The following ADNP variants were observed in gnomAD, a reference collection of about 807,000 sequenced individuals.
ADNP encodes the protein activity dependent neuroprotector homeobox.
In ADNP, 4 loss-of-function variants were observed where a neutral mutation model predicts 84.9. The observed-to-expected ratio is 0.05, with a 90% CI of 0.02 to 0.11. The LOEUF is 0.11. Ranked by LOEUF, ADNP falls within the 10% of genes least tolerant of loss-of-function variation. ADNP has a pLI of 1.00. For missense variants in ADNP, 1,132 were observed against 1,326.0 expected (o/e 0.85, Z 2.27); for synonymous variants, 554 against 468.1 (o/e 1.18, Z -2.37).
intron 2 of ADNP, among the ~76,000 whole-genome samples, chr20:50,906,550 T>TA (rs1982491993): frequency 6.6e-6 from 1 of 152,106 alleles, no homozygotes; most frequent in African/African-American, 2.4e-5. Context: ...AACAAAGACA[T>TA]AAAGATTTGG....
Position 50,889,171 on chromosome 20 carries a change from A to G in ADNP, c.*2234T>C, listed in dbSNP as rs973475692. ...TCTGAATGCCAAAAGGCACACTCTCACCACCTTAATGAGGAAACACACTTA... is the reference window on the plus strand; with the variant it reads ...TCTGAATGCCAAAAGGCACACTCTCGCCACCTTAATGAGGAAACACACTTA... On this transcript the variant is annotated 3_prime_UTR_variant, in exon 6 of 6. Transcript: ENST00000621696. 2 of 152,148 alleles carry G rather than the reference A, an allele frequency of 1.3e-5. No homozygotes were observed. Among genetic ancestry groups the G allele is most frequent in the Admixed American group, 1.3e-4 (2 of 15,278 alleles). 9.4% of individuals were successfully genotyped at this position (152,148 alleles called of 1,614,324 possible).
At chr20:50,910,835 T>C (rs1385894090) in intron 2 of ADNP, among the ~76,000 whole-genome samples, 1 of 151,924 alleles carries the variant, frequency 6.6e-6, no homozygotes, top group Non-Finnish European at 1.5e-5. Context: ...TTTAAAAAAA[T>C]TTAATAGGGG....
intron 5 of ADNP, among the ~76,000 whole-genome samples, chr20:50,897,105 A>G (rs1212264429): frequency 6.6e-6 from 1 of 151,690 alleles, no homozygotes; most frequent in Non-Finnish European, 1.5e-5. Flanking sequence ...CGCCCGGCTA[A>G]TTTTTTTGTA....
chr20:50,900,269 T>C (rs1981840265), intron 5 of ADNP, among the ~76,000 whole-genome samples: 1 of 152,192 alleles, frequency 6.6e-6, no homozygotes, highest in South Asian at 2.1e-4. Flanking sequence ...TATTCTCTTA[T>C]AGTAACATGC....
At chr20:50,906,699 C>T (rs1982504554) in intron 2 of ADNP, among the ~76,000 whole-genome samples, 1 of 152,200 alleles carries the variant, frequency 6.6e-6, no homozygotes, top group Admixed American at 6.5e-5. Context: ...TAAGATGAAG[C>T]ATCTCACTGC....
intron 5 of ADNP, among the ~76,000 whole-genome samples, chr20:50,895,039 G>GA (rs1012771105): frequency 6.6e-6 from 1 of 152,064 alleles, no homozygotes; most frequent in Non-Finnish European, 1.5e-5. Context: ...AATGTTTAGG[G>GA]AAAAAAAGTC....
intron 2 of ADNP, among the ~76,000 whole-genome samples, chr20:50,918,809 GA>G (rs1268745282): frequency 6.6e-6 from 1 of 152,214 alleles, no homozygotes; most frequent in Non-Finnish European, 1.5e-5. Context: ...GAAAGCTTTT[GA>G]AAGGTAACAG....
At chr20:50,915,757 A>T (rs1983461957) in intron 2 of ADNP, among the ~76,000 whole-genome samples, 1 of 152,232 alleles carries the variant, frequency 6.6e-6, no homozygotes, top group Admixed American at 6.5e-5. Flanking sequence ...CCTTAAGTTT[A>T]CTAGAAAATG....
rs953409775 is a variant in ADNP at position 50,889,182 on chromosome 20, G to A, written c.*2223C>T. The A allele has an allele frequency of 1.3e-5, 2 of 152,148 alleles. No individual in the cohort carries two copies. Among genetic ancestry groups the A allele is most frequent in the African/African-American group, 4.8e-5 (2 of 41,444 alleles). 9.4% of individuals were successfully genotyped at this position (152,148 alleles called of 1,614,324 possible). ...AAAGGCACACTCTCACCACCTTAATGAGGAAACACACTTATCTGTGTCTGT... is the reference window on the plus strand; with the variant it reads ...AAAGGCACACTCTCACCACCTTAATAAGGAAACACACTTATCTGTGTCTGT... On this transcript the variant is annotated 3_prime_UTR_variant, in exon 6 of 6. Transcript: ENST00000621696.
At chr20:50,905,115 T>C (rs1055742822) in intron 2 of ADNP, 4 of 152,214 alleles carry the variant, frequency 2.6e-5, no homozygotes, top group Non-Finnish European at 5.9e-5. Context: ...AAATTAGAAA[T>C]TCATATCAAC....
At chr20:50,919,422 T>C (rs1452399598) in intron 2 of ADNP, among the ~76,000 whole-genome samples, 1 of 151,868 alleles carries the variant, frequency 6.6e-6, no homozygotes, top group Non-Finnish European at 1.5e-5. Flanking sequence ...GCCACTATAC[T>C]CCAGCCTGCG....
At chr20:50,901,857 T>TAAGAAAAA in intron 5 of ADNP, among the ~76,000 whole-genome samples, 160 bp downstream of exon 5, 1 of 152,212 alleles carries the variant, frequency 6.6e-6, no homozygotes, top group African/African-American at 2.4e-5. Flanking sequence ...AAAAAGTTTT[T>TAAGAAAAA]CTTAGTCTTC....
At chr20:50,895,631 A>G (rs1441451307) in intron 5 of ADNP, among the ~76,000 whole-genome samples, 2 of 152,130 alleles carry the variant, frequency 1.3e-5, no homozygotes, top group Non-Finnish European at 2.9e-5. Context: ...CTGCAGCCTC[A>G]ACCTCTTGGG....
chr20:50,913,966 G>A lies in ADNP; in HGVS notation c.-89-9117C>T. The A allele has an allele frequency of 4.2e-6, 3 of 718,526 alleles. No homozygotes were observed. The South Asian group carries it at 4.4e-5, about 10-fold the overall frequency. The allele number at this position is 718,526 out of a possible 1,614,324, so 44.5% of individuals were successfully genotyped here. A position where few individuals can be genotyped will look rare whatever the true frequency, so the allele number is the denominator to read the frequency against. ...AGATTGGTCTCCTCTTCAGACTGCT[G>A]TTTGTGCTGGCCAGAATGAGACTGT... On this transcript the variant is annotated intron_variant, in intron 2 of 5. Transcript: ENST00000621696.
chr20:50,896,062 T>C (rs1208231595), intron 5 of ADNP, among the ~76,000 whole-genome samples: 1 of 151,196 alleles, frequency 6.6e-6, no homozygotes, highest in African/African-American at 2.4e-5. Context: ...CTACCTTTAC[T>C]GAAAATAAAA....
At chr20:50,910,187 T>C (rs189806092) in intron 2 of ADNP, among the ~76,000 whole-genome samples, 1 of 152,204 alleles carries the variant, frequency 6.6e-6, no homozygotes, top group African/African-American at 2.4e-5. Flanking sequence ...AAAGTTACTC[T>C]AAAAAATGCT....
rs1600978320 is a variant in ADNP at position 50,914,087 on chromosome 20, T to C, written c.-89-9238A>G. 14 of 739,456 alleles carry C rather than the reference T, an allele frequency of 1.9e-5. No individual in the cohort carries two copies. In the East Asian group the frequency reaches 2.7e-4, roughly 14 times the overall value. The allele number at this position is 739,456 out of a possible 1,614,324, so 45.8% of individuals were successfully genotyped here. Reference sequence around the variant, plus strand: ...GCAGCTTCCAAAAACAGGCATGAGATTGCTCTCATGTTACTAGAAGGTGGG... The same window carrying C: ...GCAGCTTCCAAAAACAGGCATGAGACTGCTCTCATGTTACTAGAAGGTGGG... On this transcript the variant is annotated intron_variant, in intron 2 of 5. Coordinates refer to ENST00000621696, the MANE Select transcript of ADNP (RefSeq NM_001282531.3).
At chr20:50,902,694 G>A (rs1982106958) in intron 4 of ADNP, among the ~76,000 whole-genome samples, 1 of 152,118 alleles carries the variant, frequency 6.6e-6, no homozygotes, top group African/African-American at 2.4e-5. Flanking sequence ...AAAAGTCTTA[G>A]GGTAAAATCC....
chr20:50,891,664 G>C lies in ADNP; in HGVS notation c.3050C>G (p.Ala1017Gly), dbSNP rs935089716. Reference protein sequence around the residue: ...RSSKPAAKKKATMQGDREQLK... With the variant: ...RSSKPAAKKKGTMQGDREQLK... Reference sequence around the variant, plus strand: ...CTGCTCTCTGTCACCTTGCATGGTAGCCTTTTTTTTGGCAGCTGGCTTACT... The same window carrying C: ...CTGCTCTCTGTCACCTTGCATGGTACCCTTTTTTTTGGCAGCTGGCTTACT... Residue 1017 changes from alanine (A) to glycine (G), a missense_variant, in exon 6 of 6, where the codon GCT becomes GGT. By Grantham distance (60) the Ala-to-Gly change is moderately conservative (BLOSUM62 0). Around this residue, in one of 10 missense-constraint regions of ADNP, gnomAD observed 381 missense variants for 319.9 expected, o/e 1.19. Transcript: ENST00000621696. 6.2e-7 allele frequency: 1 copy of C among 1,614,208 alleles called. No homozygotes were observed. Among genetic ancestry groups the C allele is most frequent in the Non-Finnish European group, 8.5e-7 (1 of 1,180,044 alleles).
Sources: allele counts gnomAD v4.1 joint callset (sites outside exome capture counted in the v4.1 genomes callset), GRCh38; gene constraint gnomAD v4.1.1; regional missense constraint gnomAD v4.1.1; transcripts MANE v1.5; gene names NCBI Gene and HGNC (gene_info 2026-07-23, HGNC 2026-07-21).